The following AP2B1 variants were observed in gnomAD, a reference collection of about 807,000 sequenced individuals.
AP2B1 encodes adaptor related protein complex 2 subunit beta 1, also known as AP-2 complex subunit beta.
Under a neutral mutation model 102.0 loss-of-function variants are expected in AP2B1, and 23 were observed. That is an observed-to-expected ratio of 0.23 (90% CI 0.16 to 0.32). The LOEUF is 0.32. Among genes scored for constraint, AP2B1 ranks in the 10% least tolerant of loss-of-function variants. The probability of loss-of-function intolerance (pLI) is 1.00; values close to 1 mark genes in which losing one functional copy is unlikely to be tolerated. For missense variants in AP2B1, 541 were observed against 1,157.4 expected, an observed-to-expected ratio of 0.47 and a Z score of 7.73; for synonymous variants, 381 against 421.2, an observed-to-expected ratio of 0.90 and a Z score of 1.17.
intron 9 of AP2B1, among the ~76,000 whole-genome samples, chr17:35,633,847 A>G (rs542523607): frequency 6.6e-6 from 1 of 152,264 alleles, no homozygotes; most frequent in South Asian, 2.1e-4. Context: ...GTGCAAATGA[A>G]AATCTAAATA....
At chr17:35,658,691 A>G (rs189378695) in intron 14 of AP2B1, among the ~76,000 whole-genome samples, 5 of 152,292 alleles carry the variant, frequency 3.3e-5, no homozygotes, top group Admixed American at 6.5e-5. Flanking sequence ...TTATTTACCA[A>G]TATCATTGGA....
At position 35,639,753 on chromosome 17, in the gene AP2B1, G is replaced by A. The variant is rs773459580; in HGVS notation, c.1430G>A (p.Ser477Asn). ...TTCCTGGAGGGTTTTCACGATGAAA[G>A]CACCCAGGTAAGTTCTTGTCTCTTG... is the stretch of plus-strand genomic sequence containing the variant. ...ESFLEGFHDE[S>N]TQVQLTLLTA... Residue 477 changes from serine to asparagine, a missense_variant, in exon 11 of 22, where the codon AGC (serine) becomes AAC (asparagine). Transcript: ENST00000610402. The A allele has an allele frequency of 2.5e-6, 4 of 1,613,560 alleles. No individual in the cohort carries two copies. In the Admixed American group the frequency reaches 6.7e-5, roughly 27 times the overall value.
chr17:35,601,891 C>T (rs1039538452), intron 3 of AP2B1, among the ~76,000 whole-genome samples: 7 of 151,758 alleles, frequency 4.6e-5, no homozygotes, highest in African/African-American at 1.7e-4. Flanking sequence ...GATTATCCTG[C>T]CTCTGTCTCC....
chr17:35,710,012 C>G (rs1333195138), intron 19 of AP2B1, among the ~76,000 whole-genome samples: 1 of 152,158 alleles, frequency 6.6e-6, no homozygotes, highest in Non-Finnish European at 1.5e-5. Flanking sequence ...AAATGAAACC[C>G]TAGATATAGA....
intron 9 of AP2B1, among the ~76,000 whole-genome samples, chr17:35,631,043 A>G (rs2074447447): frequency 6.6e-6 from 1 of 152,190 alleles, no homozygotes; most frequent in Non-Finnish European, 1.5e-5. Context: ...CTTTCTGTAT[A>G]GCTTTGGGAA....
At chr17:35,660,007 TG>T in intron 14 of AP2B1, 1 of 985,430 alleles carries the variant, frequency 1.0e-6, no homozygotes, top group Non-Finnish European at 1.2e-6. Context: ...ATGCTTTTAT[TG>T]TTCTTATGCA....
chr17:35,588,915 C>T (rs2072992976), intron 1 of AP2B1, among the ~76,000 whole-genome samples: 1 of 152,196 alleles, frequency 6.6e-6, no homozygotes, highest in Non-Finnish European at 1.5e-5. Context: ...CTTAAAAGAT[C>T]CATATTTTGA....
At chr17:35,589,322 G>T (rs72828045) in intron 1 of AP2B1, among the ~76,000 whole-genome samples, 1 of 152,172 alleles carries the variant, frequency 6.6e-6, no homozygotes, top group Non-Finnish European at 1.5e-5. Flanking sequence ...GTTAACTTTG[G>T]CCAGTTTTTC....
chr17:35,608,336 T>C lies in AP2B1; in HGVS notation c.474T>C (p.Asp158=), dbSNP rs1457912621. ...ATATCAATGCCCAAATGGTGGAAGA[T>C]CAGGGATTTCTGGATTCTCTACGGG... ...LHDINAQMVE[D]QGFLDSLRDL... The change falls in exon 5 of 22, where the codon GAT becomes GAC. Residue 158 remains aspartate, a synonymous_variant. Coordinates refer to ENST00000610402, the MANE Select transcript of AP2B1 (RefSeq NM_001030006.2). The C allele has an allele frequency of 6.2e-7, 1 of 1,614,198 alleles. No individual in the cohort carries two copies. Among genetic ancestry groups the C allele is most frequent in the Admixed American group, 1.7e-5 (1 of 60,018 alleles).
intron 14 of AP2B1, among the ~76,000 whole-genome samples, chr17:35,670,237 C>T (rs2075558651): frequency 6.6e-6 from 1 of 152,228 alleles, no homozygotes; most frequent in Non-Finnish European, 1.5e-5. Context: ...TGCTTCCCCA[C>T]TTCCTCCTTA....
At position 35,659,889 on chromosome 17, in the gene AP2B1, A is replaced by G. The variant is rs142359030; in HGVS notation, c.1989+2098A>G. On this transcript the variant is annotated intron_variant, in intron 14 of 21. Coordinates refer to ENST00000610402, the MANE Select transcript of AP2B1 (RefSeq NM_001030006.2). ...TTTGGATCCGTATGTGGTTAAATAT[A>G]TATTCACTCAGAGAATCAAGGTTCC... The G allele has an allele frequency of 7.0e-4, 692 of 985,376 alleles. No homozygotes were observed. The African/African-American group carries it at 0.011, about 16-fold the overall frequency. The allele number at this position is 985,376 out of a possible 1,614,324, so 61.0% of individuals were successfully genotyped here. A position where few individuals can be genotyped will look rare whatever the true frequency, so the allele number is the denominator to read the frequency against.
chr17:35,593,975 C>A (rs1044377302), intron 1 of AP2B1, 33 bp from the exon 2 acceptor site: 8 of 1,281,324 alleles, frequency 6.2e-6, no homozygotes, highest in Non-Finnish European at 8.7e-6. Flanking sequence ...ATATCTATAA[C>A]CTGAATGAAG....
At chr17:35,665,450 T>A (rs1304962212) in intron 14 of AP2B1, among the ~76,000 whole-genome samples, 5 of 152,154 alleles carry the variant, frequency 3.3e-5, no homozygotes, top group African/African-American at 4.8e-5. Flanking sequence ...GAAGATCATA[T>A]TAAAATTTGC....
In AP2B1 at chr17:35,608,367, A is replaced by G. The variant is rs750326789; in HGVS notation, c.505A>G (p.Ile169Val). 9 of 1,614,188 alleles carry G rather than the reference A, an allele frequency of 5.6e-6. No homozygotes were observed. Among genetic ancestry groups the G allele is most frequent in the Non-Finnish European group, 7.6e-6 (9 of 1,180,002 alleles). ...QGFLDSLRDL[I>V]ADSNPMVVAN... ...ATTTCTGGATTCTCTACGGGATCTC[A>G]TAGCAGATTCAAATCCAATGGTAAT... Residue 169 changes from isoleucine (I) to valine (V), a missense_variant, in exon 5 of 22, where the codon ATA (isoleucine) becomes GTA (valine). Coordinates refer to ENST00000610402, the MANE Select transcript of AP2B1 (RefSeq NM_001030006.2).
rs143640355 is a variant in AP2B1, at chr17:35,659,750, C to G, written c.1989+1959C>G. The G allele has an allele frequency of 4.7e-5, 45 of 957,926 alleles. No individual in the cohort carries two copies. In the East Asian group the frequency reaches 4.8e-3, roughly 103 times the overall value. The allele number at this position is 957,926 out of a possible 1,614,324, so 59.3% of individuals were successfully genotyped here. On this transcript the variant is annotated intron_variant, in intron 14 of 21. Coordinates refer to ENST00000610402, the MANE Select transcript of AP2B1 (RefSeq NM_001030006.2). The stretch of plus-strand genomic sequence containing the variant: ...CTGACTTTGGGATCTAAAATGGTAT[C>G]CTTGGTGTTACAGCCCCAGAAATTG...
chr17:35,680,680 G>GTTTTGGTTTTT (rs1375474286), intron 17 of AP2B1, among the ~76,000 whole-genome samples: 2 of 116,904 alleles, frequency 1.7e-5, no homozygotes, highest in African/African-American at 7.2e-5. Flanking sequence ...CCAGTCTATG[G>GTTTTGGTTTTT]TTTTGGTTTT....
intron 14 of AP2B1, among the ~76,000 whole-genome samples, chr17:35,658,484 G>A (rs899695626): frequency 2.6e-5 from 4 of 151,732 alleles, no homozygotes; most frequent in Non-Finnish European, 5.9e-5. Context: ...ATTATTTTTT[G>A]TTTCTGTACA....
chr17:35,690,591 A>G (rs1396722024), intron 18 of AP2B1, among the ~76,000 whole-genome samples: 1 of 152,208 alleles, frequency 6.6e-6, no homozygotes, highest in Admixed American at 6.5e-5. Context: ...GTTGGTATCT[A>G]GAAATCCTAT....
intron 21 of AP2B1, among the ~76,000 whole-genome samples, chr17:35,718,104 G>T (rs2143012116): frequency 6.6e-6 from 1 of 152,202 alleles, no homozygotes; most frequent in Non-Finnish European, 1.5e-5. Flanking sequence ...GGTTTTATGG[G>T]GATCTATTTA....
Sources: allele counts gnomAD v4.1 joint callset (sites outside exome capture counted in the v4.1 genomes callset), GRCh38; gene constraint gnomAD v4.1.1; transcripts MANE v1.5; gene names NCBI Gene and HGNC (gene_info 2026-07-23, HGNC 2026-07-21).